Variants in SMARCA5 observed in about 807,000 individuals in gnomAD.
SMARCA5 encodes the protein SWI/SNF-related matrix-associated actin-dependent regulator of chromatin subfamily A member 5.
A neutral mutation model predicts 140.4 loss-of-function variants in SMARCA5; 18 were observed. The ratio of observed to expected loss-of-function variants is 0.13; its 90% CI spans 0.09 to 0.19. The LOEUF (loss-of-function observed/expected upper bound fraction) is 0.19. SMARCA5 is among the 10% of genes least tolerant of loss of function. The pLI is 1.00. For missense variants in SMARCA5, 606 were observed against 1,276.8 expected (o/e 0.47, Z 8.01); for synonymous variants, 449 against 419.6 (o/e 1.07, Z -0.86).
At chr4:143,520,641 A>G (rs1736937976) in intron 2 of SMARCA5, among the ~76,000 whole-genome samples, 1 of 152,192 alleles carries the variant, frequency 6.6e-6, no homozygotes, top group Non-Finnish European at 1.5e-5. Context: ...ACATTTATAG[A>G]CAGAGATGTT....
rs1196323464 is a variant in SMARCA5, at chr4:143,514,089, C to G, written c.165C>G (p.Asp55Glu). The stretch of plus-strand genomic sequence containing the variant: ...CTGCGGCCAGCGCTGGTCCCGCAGA[C>G]GCCGAGATGGAGGTGAGGGCGACTT... The part of the protein sequence containing the change: ...VASAASAGPA[D>E]AEMEEIFDDA... Residue 55 changes from aspartate (D) to glutamate (E), a missense_variant, in exon 1 of 24, where the codon GAC becomes GAG. This residue lies in a region of SMARCA5 where 164 missense variants were observed against 128.4 expected (regional missense o/e 1.28). Coordinates refer to ENST00000283131, the MANE Select transcript of SMARCA5 (RefSeq NM_003601.4). 2 of 1,550,424 alleles carry G rather than the reference C, an allele frequency of 1.3e-6. No individual in the cohort carries two copies. The highest frequency in any genetic ancestry group is 1.7e-6 in the Non-Finnish European group (2 of 1,156,390).
intron 10 of SMARCA5, among the ~76,000 whole-genome samples, chr4:143,535,511 T>G (rs551211307): frequency 6.6e-6 from 1 of 152,302 alleles, no homozygotes; most frequent in East Asian, 1.9e-4. Flanking sequence ...TAATATCATA[T>G]AGAGAACTGG....
Position 143,555,511 on chromosome 4 carries a change from A to G in SMARCA5, c.*2327A>G. On this transcript the variant is annotated 3_prime_UTR_variant, in exon 24 of 24. Transcript: ENST00000283131. ...TTCAGTGTAGATTGTTTTGTTTTGT[A>G]CCCATGCTGTTGATTGCTAAATGTT... 1 of 443,164 alleles carries G rather than the reference A, an allele frequency of 2.3e-6. No individual in the cohort carries two copies. Among genetic ancestry groups the G allele is most frequent in the Middle Eastern group, 6.7e-4 (1 of 1,488 alleles). 27.5% of individuals were successfully genotyped at this position (443,164 alleles called of 1,614,324 possible).
At chr4:143,544,417 T>C (rs148948895) in intron 16 of SMARCA5, 37 of 199,964 alleles carry the variant, frequency 1.9e-4, no homozygotes, top group African/African-American at 8.3e-4. Context: ...GGTCTATATC[T>C]TCAGAATTTT....
At chr4:143,537,516 A>G (rs1737336222) in intron 11 of SMARCA5, among the ~76,000 whole-genome samples, 1 of 152,204 alleles carries the variant, frequency 6.6e-6, no homozygotes, top group South Asian at 2.1e-4. Flanking sequence ...AGATTTTTAA[A>G]AAATGCTTTC....
chr4:143,546,577 TA>T (rs1246173727), intron 19 of SMARCA5, among the ~76,000 whole-genome samples, 198 bp from the exon 20 acceptor site: 6 of 152,178 alleles, frequency 3.9e-5, no homozygotes, highest in African/African-American at 1.4e-4. Context: ...CAGCCACTCA[TA>T]TTTAATTGCT....
At chr4:143,547,557 G>A (rs1737552110) in intron 21 of SMARCA5, 54 bp downstream of exon 21, 1 of 886,726 alleles carries the variant, frequency 1.1e-6, no homozygotes, top group South Asian at 1.4e-5. Context: ...CTAGCTGTGA[G>A]TATGAGAGAG....
chr4:143,549,173 T>G (rs1315515961), intron 22 of SMARCA5, among the ~76,000 whole-genome samples: 1 of 152,074 alleles, frequency 6.6e-6, no homozygotes, highest in Non-Finnish European at 1.5e-5. Flanking sequence ...TAAAACTGTG[T>G]TACTTCTTAA....
chr4:143,553,256 C>T lies in SMARCA5; in HGVS notation c.*72C>T, dbSNP rs1277337733. The T allele has an allele frequency of 2.1e-6, 2 of 973,188 alleles. No homozygotes were observed. The highest frequency in any genetic ancestry group is 1.7e-6 in the Non-Finnish European group (1 of 601,188). 60.3% of individuals were successfully genotyped at this position (973,188 alleles called of 1,614,324 possible). ...AATTTACGGGTCTTCATAAGATGTA[C>T]TGTACAATGCTCAATTGTTATGTCA... On this transcript the variant is annotated 3_prime_UTR_variant, in exon 24 of 24. Coordinates refer to ENST00000283131, the MANE Select transcript of SMARCA5 (RefSeq NM_003601.4).
chr4:143,522,461 A>G (rs948941970), intron 3 of SMARCA5, among the ~76,000 whole-genome samples: 6 of 152,260 alleles, frequency 3.9e-5, no homozygotes, highest in Admixed American at 6.5e-5. Flanking sequence ...GTTTAAAAGA[A>G]GAAGTATCAA....
Position 143,533,498 on chromosome 4 carries a change from C to CTTTTTTTT in SMARCA5, c.1159-1337_1159-1330dup, listed in dbSNP as rs10580434. Among the ~76,000 whole-genome samples the CTTTTTTTT allele has an allele frequency of 1.1e-4, 14 of 127,548 alleles. 1 individual carries two copies. The highest frequency in any genetic ancestry group is 3.6e-4 in the African/African-American group (12 of 33,464). 83.7% of individuals were successfully genotyped at this position (127,548 alleles called of 152,430 possible). A position where few individuals can be genotyped will look rare whatever the true frequency, so the allele number is the denominator to read the frequency against. ...GATCTTAATGAGACCCTTGTCCATT[C>CTTTTTTTT]TTTTTTTTTTTTTTTTTTTTTTTTT... On this transcript the variant is annotated intron_variant, in intron 9 of 23. Transcript: ENST00000283131.
chr4:143,544,442 T>C (rs73850459), intron 16 of SMARCA5: 3,241 of 224,332 alleles, frequency 0.014, 108 homozygotes, highest in African/African-American at 0.063. Flanking sequence ...AGGCTAATTA[T>C]GTGTCTACAT....
chr4:143,527,879 C>T lies in SMARCA5; in HGVS notation c.813C>T (p.Val271=). The T allele has an allele frequency of 6.3e-7, 1 of 1,592,242 alleles. No homozygotes were observed. ...CTCTTGTTACACAGGCTGCTTTTGT[C>T]AGAGACGTTTTATTACCGGGAGAAT... is the stretch of plus-strand genomic sequence containing the variant. ...IGDKEQRAAF[V]RDVLLPGEWD... is the part of the protein sequence containing the mutation. The change falls in exon 7 of 24, where the codon GTC becomes GTT. Residue 271 remains valine (V), a synonymous_variant. Transcript: ENST00000283131.
At chr4:143,539,463 G>A (rs1737384931) in intron 13 of SMARCA5, among the ~76,000 whole-genome samples, 1 of 151,814 alleles carries the variant, frequency 6.6e-6, no homozygotes, top group Non-Finnish European at 1.5e-5. Context: ...TGAGAGAATT[G>A]ATACTGCAGA....
chr4:143,519,234 C>T (rs1380137689), intron 2 of SMARCA5, among the ~76,000 whole-genome samples: 1 of 152,068 alleles, frequency 6.6e-6, no homozygotes, highest in African/African-American at 2.4e-5. Context: ...CTTAGCATAC[C>T]TTAGTGTTAC....
chr4:143,539,659 C>T (rs1033380237), intron 13 of SMARCA5, among the ~76,000 whole-genome samples: 3 of 151,964 alleles, frequency 2.0e-5, no homozygotes, highest in Non-Finnish European at 2.9e-5. Flanking sequence ...GCCTCAGCCT[C>T]CCGAGTAGCT....
chr4:143,521,581 A>C lies in SMARCA5; in HGVS notation c.405A>C (p.Leu135Phe), dbSNP rs1736959756. ...PRIKKDEKQN[L>F]LSVGDYRHRR... ...TAAAAAAAGATGAGAAGCAGAACTT[A>C]CTATCCGTTGGCGAGTGAGTAATAG... The change falls in exon 3 of 24, where the codon TTA becomes TTC. Residue 135 changes from leucine (L) to phenylalanine (F), a missense_variant. This residue lies in a region of SMARCA5 where 110 missense variants were observed against 287.7 expected (regional missense o/e 0.38). Transcript: ENST00000283131. The C allele has an allele frequency of 1.2e-6, 2 of 1,612,526 alleles. No homozygotes were observed. Among genetic ancestry groups the C allele is most frequent in the Non-Finnish European group, 1.7e-6 (2 of 1,179,488 alleles).
At chr4:143,549,361 G>T (rs769588735) in intron 22 of SMARCA5, among the ~76,000 whole-genome samples, 1 of 151,812 alleles carries the variant, frequency 6.6e-6, no homozygotes, top group Non-Finnish European at 1.5e-5. Flanking sequence ...TATAAGAAAG[G>T]GGGCTGCTAC....
chr4:143,550,567 GCCAGCC>G (rs1737623152), intron 23 of SMARCA5, among the ~76,000 whole-genome samples: 1 of 151,746 alleles, frequency 6.6e-6, no homozygotes, highest in Non-Finnish European at 1.5e-5. Flanking sequence ...GTATCCATTA[GCCAGCC>G]CCACTTTCCC....
Sources: gnomAD v4.1 joint callset for allele counts (sites outside exome capture counted in the v4.1 genomes callset) on GRCh38, gnomAD v4.1.1 for gene constraint, gnomAD v4.1.1 regional missense constraint, MANE v1.5 for transcripts, NCBI Gene and HGNC (gene_info 2026-07-23, HGNC 2026-07-21) for gene names.